The following EMILIN2 variants were observed in gnomAD, a reference collection of about 807,000 sequenced individuals.
EMILIN2 encodes EMILIN-2.
EMILIN2 carries 71 observed loss-of-function variants against 87.1 expected under a neutral mutation model. That is an observed-to-expected ratio of 0.82 (90% CI 0.67 to 0.99). EMILIN2 has a LOEUF of 0.99. Ranked by LOEUF, EMILIN2 falls within the 50% of genes least tolerant of loss-of-function variation. The pLI, the probability that EMILIN2 is intolerant of heterozygous loss-of-function variation, is 0.00. For synonymous variants in EMILIN2, 581 were observed against 563.4 expected, an observed-to-expected ratio of 1.03 and a Z score of -0.44; for missense variants, 1,407 against 1,371.8, an observed-to-expected ratio of 1.03 and a Z score of -0.40.
intron 2 of EMILIN2, among the ~76,000 whole-genome samples, chr18:2,883,159 C>A (rs2076785565): frequency 6.6e-6 from 1 of 152,036 alleles, no homozygotes; most frequent in Non-Finnish European, 1.5e-5. Context: ...CTGCAGGGTG[C>A]CTAGCCAGTC....
intron 5 of EMILIN2, 91 bp downstream of exon 5, chr18:2,907,176 GGGTCCAGCCTTC>G: frequency 8.3e-7 from 1 of 1,198,334 alleles, no homozygotes. Flanking sequence ...TGGCGGTTCG[GGGTCCAGCCTTC>G]GGGGGGGCAA....
At position 2,890,823 on chromosome 18, in the gene EMILIN2, C is replaced by G. The variant is rs1434565349; in HGVS notation, c.696C>G (p.His232Gln). ...RTRAPGLSSQ[H>Q]PKPDTTVSGD... ...GGGCACCAGGGCTCAGCAGCCAGCA[C>G]CCCAAGCCTGACACCACTGTTAGTG... Residue 232 changes from histidine to glutamine, a missense_variant, in exon 4 of 8, where the codon CAC becomes CAG. His to Gln is a conservative substitution (Grantham distance 24). Transcript: ENST00000254528. The surrounding 1 kb of genome is among the most constrained non-coding windows in gnomAD (Gnocchi z 4.7). The G allele has an allele frequency of 6.2e-7, 1 of 1,613,718 alleles. No homozygotes were observed. The highest frequency in any genetic ancestry group is 1.3e-5 in the African/African-American group (1 of 74,920).
intron 2 of EMILIN2, among the ~76,000 whole-genome samples, chr18:2,864,251 C>G (rs762605525): frequency 1.5e-3 from 232 of 152,212 alleles, no homozygotes; most frequent in African/African-American, 4.9e-3. Context: ...GTGTGAATTT[C>G]ATCCTGTCAT....
At chr18:2,852,960 C>T (rs2076608780) in intron 2 of EMILIN2, among the ~76,000 whole-genome samples, 1 of 152,174 alleles carries the variant, frequency 6.6e-6, no homozygotes, top group Non-Finnish European at 1.5e-5. Context: ...CACAGGATTG[C>T]TTCAACAAAA....
rs932820348 is a variant in EMILIN2 at position 2,914,625 on chromosome 18, C to T, written c.*1221C>T. The T allele has an allele frequency of 1.4e-4, 21 of 152,200 alleles. No homozygotes were observed. The highest frequency in any genetic ancestry group is 1.4e-3 in the Admixed American group (21 of 15,268). 9.4% of individuals were successfully genotyped at this position (152,200 alleles called of 1,614,324 possible). ...CTGTGGATCAGGTTGGTAACACCTACTGGTTAATCAAGTCCCACTGGGGAA... is the reference window on the plus strand; with the variant it reads ...CTGTGGATCAGGTTGGTAACACCTATTGGTTAATCAAGTCCCACTGGGGAA... On this transcript the variant is annotated 3_prime_UTR_variant, in exon 8 of 8. Transcript: ENST00000254528.
chr18:2,859,058 C>T (rs2076647373), intron 2 of EMILIN2, among the ~76,000 whole-genome samples: 1 of 152,016 alleles, frequency 6.6e-6, no homozygotes, highest in Non-Finnish European at 1.5e-5. Context: ...CATATAATGA[C>T]TTCTTTGTCT....
chr18:2,868,581 G>A (rs1046561704), intron 2 of EMILIN2, among the ~76,000 whole-genome samples: 5 of 152,262 alleles, frequency 3.3e-5, no homozygotes, highest in Non-Finnish European at 7.3e-5. Flanking sequence ...ATCACTCGCG[G>A]TTAGGAGCTG....
intron 4 of EMILIN2, among the ~76,000 whole-genome samples, chr18:2,893,641 C>A (rs603139): frequency 1 from 152,052 of 152,350 alleles, 75,879 homozygotes; most frequent in Non-Finnish European, 1. Flanking sequence ...AGACAGCCTC[C>A]GACATAAGCT....
chr18:2,897,583 T>C (rs1325128735), intron 4 of EMILIN2, among the ~76,000 whole-genome samples: 1 of 152,116 alleles, frequency 6.6e-6, no homozygotes, highest in Non-Finnish European at 1.5e-5. Context: ...GCCTTAGAAA[T>C]GGCTGGGCGC....
chr18:2,894,375 T>G lies in EMILIN2; in HGVS notation c.2359+1889T>G, dbSNP rs911556318. The stretch of plus-strand genomic sequence containing the variant: ...GCCGCCACCCGAGTGTCCAGCCCAC[T>G]GCACCTCACTATTTATAACCCAGCC... On this transcript the variant is annotated intron_variant, in intron 4 of 7. Transcript: ENST00000254528. This position sits in a 1 kb window ranked among gnomAD's most constrained non-coding sequence, Gnocchi z 5.0. Among the ~76,000 whole-genome samples the G allele has an allele frequency of 2.0e-5, 3 of 152,210 alleles. No individual in the cohort carries two copies. The highest frequency in any genetic ancestry group is 4.4e-5 in the Non-Finnish European group (3 of 68,028).
chr18:2,868,622 C>G (rs899583242), intron 2 of EMILIN2, among the ~76,000 whole-genome samples: 1 of 152,248 alleles, frequency 6.6e-6, no homozygotes. Flanking sequence ...AGCGAAACCC[C>G]GTCTCCACCA....
chr18:2,878,856 A>G (rs2076762846), intron 2 of EMILIN2, among the ~76,000 whole-genome samples: 1 of 152,186 alleles, frequency 6.6e-6, no homozygotes, highest in Admixed American at 6.5e-5. Context: ...GGGGCAACCA[A>G]TGACTGGAAG....
intron 3 of EMILIN2, among the ~76,000 whole-genome samples, chr18:2,888,443 C>T (rs890083621): frequency 9.2e-5 from 14 of 151,950 alleles, no homozygotes; most frequent in East Asian, 1.9e-4. Flanking sequence ...CGGCCGGGCG[C>T]GGTGGCTCAC....
rs147573009 is a variant in EMILIN2 at position 2,855,847 on chromosome 18, G to A, written c.257+7916G>A. 5.0e-3 allele frequency among the ~76,000 whole-genome samples: 754 copies of A among 152,238 alleles called. 5 individuals carry two copies. Among genetic ancestry groups the A allele is most frequent in the Middle Eastern group, 0.014 (4 of 294 alleles). On this transcript the variant is annotated intron_variant, in intron 2 of 7. Coordinates refer to ENST00000254528, the MANE Select transcript of EMILIN2 (RefSeq NM_032048.3). ...AGCTGACAGAACTTTTAAAAATTGC[G>A]CTGTCACACTAACGTACTGCATACC...
chr18:2,908,222 C>T (rs890327341), intron 5 of EMILIN2, among the ~76,000 whole-genome samples: 3 of 152,208 alleles, frequency 2.0e-5, no homozygotes, highest in African/African-American at 7.2e-5. Flanking sequence ...ATTTGTCCAT[C>T]CACGCACCCT....
chr18:2,851,488 T>C (rs1568449163), intron 2 of EMILIN2, among the ~76,000 whole-genome samples: 1 of 151,980 alleles, frequency 6.6e-6, no homozygotes, highest in African/African-American at 2.4e-5. Context: ...AAAGTAGCCA[T>C]AGAGAGAGTG....
At chr18:2,852,820 G>T (rs200111009) in intron 2 of EMILIN2, among the ~76,000 whole-genome samples, 1 of 152,226 alleles carries the variant, frequency 6.6e-6, no homozygotes, top group East Asian at 1.9e-4. Context: ...CACCTGGCCC[G>T]CAATAATAAT....
intron 4 of EMILIN2, among the ~76,000 whole-genome samples, chr18:2,901,952 C>T (rs558961312): frequency 1.5e-4 from 23 of 152,250 alleles, no homozygotes; most frequent in East Asian, 5.8e-4. Context: ...CAGCCATCCA[C>T]GGCACTCATG....
In EMILIN2 at chr18:2,891,905, A is replaced by G; in HGVS notation, c.1778A>G (p.Lys593Arg). Reference sequence around the variant, plus strand: ...TCTCTCAACGACACGATGCACAGGAAGTTTCAAGAAACCGAACAAACCATC... The same window carrying G: ...TCTCTCAACGACACGATGCACAGGAGGTTTCAAGAAACCGAACAAACCATC... ...LKSLNDTMHR[K>R]FQETEQTIQK... Residue 593 changes from lysine (K) to arginine (R), a missense_variant, in exon 4 of 8, where the codon AAG becomes AGG. By Grantham distance (26) the Lys-to-Arg change is conservative. Transcript: ENST00000254528. This position sits in a 1 kb window ranked among gnomAD's most constrained non-coding sequence, Gnocchi z 4.6. The G allele has an allele frequency of 6.2e-7, 1 of 1,614,254 alleles. No individual in the cohort carries two copies. Among genetic ancestry groups the G allele is most frequent in the Non-Finnish European group, 8.5e-7 (1 of 1,180,046 alleles).
Sources: allele counts gnomAD v4.1 joint callset (sites outside exome capture counted in the v4.1 genomes callset), GRCh38; gene constraint gnomAD v4.1.1; non-coding constraint Gnocchi (gnomAD v3.1); transcripts MANE v1.5; gene names NCBI Gene and HGNC (gene_info 2026-07-23, HGNC 2026-07-21).